GSE1: variants seen among roughly 807,000 people sequenced by gnomAD.
GSE1 encodes the protein genetic suppressor element 1.
Under a neutral mutation model 112.6 loss-of-function variants are expected in GSE1, and 32 were observed. The observed-to-expected ratio is 0.28, with a 90% CI of 0.21 to 0.38. The LOEUF (loss-of-function observed/expected upper bound fraction) is 0.38, where lower values mean the gene tolerates loss of function less well. GSE1 is among the 10% of genes least tolerant of loss of function. The pLI is 1.00. For missense variants in GSE1, 2,348 were observed against 1,699.2 expected, an observed-to-expected ratio of 1.38 and a Z score of -6.71; for synonymous variants, 1,115 against 735.6, an observed-to-expected ratio of 1.52 and a Z score of -8.35.
chr16:85,654,500 T>C (rs2151919836), intron 4 of GSE1, 50 bp downstream of exon 4: 5 of 1,472,218 alleles, frequency 3.4e-6, no homozygotes, highest in Non-Finnish European at 4.6e-6. Flanking sequence ...GGGGACACAG[T>C]GCTCAGGGTC....
In GSE1 at chr16:85,453,731, C is replaced by T. The variant is rs1243843670; in HGVS notation, c.2464+96088C>T. Among the ~76,000 whole-genome samples, 7 of 152,264 alleles carry T rather than the reference C, an allele frequency of 4.6e-5. No individual in the cohort carries two copies. In the South Asian group the frequency reaches 6.2e-4, roughly 14 times the overall value. ...TGTGGGGGGATCCTACTTCATCCAG[C>T]GCCCTCCCTCTCTAGACCTCCTTTT... On this transcript the variant is annotated intron_variant, in intron 2 of 2. Transcript: ENST00000637419.
At chr16:85,662,610 T>C (rs145998160) in intron 9 of GSE1, 3 of 206,898 alleles carry the variant, frequency 1.4e-5, no homozygotes, top group Non-Finnish European at 1.9e-5. Context: ...TCCCAGGAGA[T>C]GGACTCAGAT....
At chr16:85,551,467 G>A (rs992522640), upstream of GSE1, among the ~76,000 whole-genome samples, 1 of 152,224 alleles carries the variant, frequency 6.6e-6, no homozygotes, top group Non-Finnish European at 1.5e-5. Flanking sequence ...CAAGCCACAA[G>A]GGACAGTGGG....
At position 85,666,843 on chromosome 16, in the gene GSE1, T is replaced by G. The variant is rs192833538; in HGVS notation, c.3130+496T>G. On this transcript the variant is annotated intron_variant, in intron 13 of 15. Transcript: ENST00000253458. ...TCTGGATCCGTGGGTTCCGCGTCTTTGGATTCAACCAGCTTCAGATTAGAA... is the reference window on the plus strand; with the variant it reads ...TCTGGATCCGTGGGTTCCGCGTCTTGGGATTCAACCAGCTTCAGATTAGAA... Among the ~76,000 whole-genome samples the G allele has an allele frequency of 3.3e-3, 509 of 152,356 alleles. 4 individuals are homozygous for G. Among genetic ancestry groups the G allele is most frequent in the African/African-American group, 0.011 (474 of 41,584 alleles).
intron 2 of GSE1, among the ~76,000 whole-genome samples, chr16:85,502,928 A>G (rs1011400149): frequency 6.6e-6 from 1 of 152,160 alleles, no homozygotes; most frequent in Non-Finnish European, 1.5e-5. Flanking sequence ...GGAAGACAGA[A>G]TGCGTGGCGG....
rs754231872 is a variant in GSE1 at position 85,661,479 on chromosome 16, G to A, written c.1974G>A (p.Glu658=). ...AGCCACCTCCGCCGCCACCACGAGA[G>A]GGAGGGAGCCTGGAGCACCAGCCCT... ...KYQPPPPPPR[E]GGSLEHQPFL... is the part of the protein sequence containing the mutation. Residue 658 remains glutamate (E), a synonymous_variant, in exon 9 of 16, where the codon GAG becomes GAA. Coordinates refer to ENST00000253458, the MANE Select transcript of GSE1 (RefSeq NM_014615.5). 1.9e-6 allele frequency: 3 copies of A among 1,611,606 alleles called. No homozygotes were observed. The African/African-American group carries it at 4.0e-5, about 22-fold the overall frequency.
chr16:85,668,965 A>G lies in GSE1; in HGVS notation c.3415+541A>G, dbSNP rs375105932. ...TCGAAGGCTTGCCGCCTCTCAGAAT[A>G]CCCAGGATGTTTTGATCCCACCTGG... On this transcript the variant is annotated intron_variant, in intron 14 of 15. Coordinates refer to ENST00000253458, the MANE Select transcript of GSE1 (RefSeq NM_014615.5). Among the ~76,000 whole-genome samples the G allele has an allele frequency of 9.8e-4, 150 of 152,330 alleles. 1 individual carries two copies. Among genetic ancestry groups the G allele is most frequent in the African/African-American group, 3.4e-3 (141 of 41,562 alleles).
At chr16:85,647,886 G>C (rs1379229697) in intron 2 of GSE1, among the ~76,000 whole-genome samples, 1 of 152,140 alleles carries the variant, frequency 6.6e-6, no homozygotes, top group Admixed American at 6.5e-5. Context: ...CGCCCGGCCA[G>C]TGCTGACCGC....
intron 2 of GSE1, among the ~76,000 whole-genome samples, chr16:85,522,325 G>A (rs1165050194): frequency 1.3e-5 from 2 of 152,026 alleles, no homozygotes; most frequent in Non-Finnish European, 2.9e-5. Context: ...AGGTATAAAA[G>A]ATGTCCACAG....
chr16:85,420,742 G>A (rs1171729703), intron 2 of GSE1, among the ~76,000 whole-genome samples: 2 of 152,184 alleles, frequency 1.3e-5, no homozygotes, highest in Admixed American at 6.5e-5. Flanking sequence ...GCCTTCCCTT[G>A]GGGAGCCAAG....
At chr16:85,469,144 C>A (rs1159016910) in intron 2 of GSE1, among the ~76,000 whole-genome samples, 1 of 152,008 alleles carries the variant, frequency 6.6e-6, no homozygotes, top group Non-Finnish European at 1.5e-5. Flanking sequence ...TAATCCCAGC[C>A]ACTCGGGAGG....
At chr16:85,543,311 G>A (rs568486704) in intron 2 of GSE1, among the ~76,000 whole-genome samples, 1 of 152,308 alleles carries the variant, frequency 6.6e-6, no homozygotes, top group East Asian at 1.9e-4. Flanking sequence ...ACATAGCCTG[G>A]ATTCTATAGA....
intron 1 of GSE1, among the ~76,000 whole-genome samples, chr16:85,176,565 G>A (rs1231801110): frequency 6.6e-6 from 1 of 152,268 alleles, no homozygotes; most frequent in Admixed American, 6.5e-5. Flanking sequence ...GCTGCATGAT[G>A]GATTGGCTCT....
At chr16:85,214,686 G>A (rs2075280547) in intron 1 of GSE1, among the ~76,000 whole-genome samples, 1 of 152,188 alleles carries the variant, frequency 6.6e-6, no homozygotes, top group Non-Finnish European at 1.5e-5. Flanking sequence ...TCTGGCCTCT[G>A]TGGCCCCGCC....
At chr16:85,516,004 AG>A (rs2051922730) in intron 2 of GSE1, among the ~76,000 whole-genome samples, 2 of 152,064 alleles carry the variant, frequency 1.3e-5, no homozygotes, top group South Asian at 4.1e-4. Context: ...TGGCAGGAGG[AG>A]GAATAAAATG....
chr16:85,195,315 C>T (rs970604693), intron 1 of GSE1, among the ~76,000 whole-genome samples: 10 of 152,134 alleles, frequency 6.6e-5, no homozygotes, highest in Non-Finnish European at 1.3e-4. Flanking sequence ...TGAGTGCCAC[C>T]GGGCAGGCGA....
At chr16:85,431,758 G>A (rs540016368) in intron 2 of GSE1, among the ~76,000 whole-genome samples, 1 of 152,292 alleles carries the variant, frequency 6.6e-6, no homozygotes, top group South Asian at 2.1e-4. Context: ...TATCTGGGCC[G>A]CCTTGCCTCC....
upstream of GSE1, among the ~76,000 whole-genome samples, chr16:85,551,508 A>C (rs118158796): frequency 0.039 from 5,994 of 152,336 alleles, 191 homozygotes; most frequent in Admixed American, 0.066. Flanking sequence ...TACCCCGTTC[A>C]GCCACACTGT....
chr16:85,386,049 A>G (rs2047681728), intron 2 of GSE1, among the ~76,000 whole-genome samples: 1 of 152,138 alleles, frequency 6.6e-6, no homozygotes, highest in Non-Finnish European at 1.5e-5. Context: ...TCCCGTGGCC[A>G]TGGGATAGCG....
Sources: gnomAD v4.1 joint callset for allele counts (sites outside exome capture counted in the v4.1 genomes callset) on GRCh38, gnomAD v4.1.1 for gene constraint, MANE v1.5 for transcripts, NCBI Gene and HGNC (gene_info 2026-07-23, HGNC 2026-07-21) for gene names.